Variants in ACTA1 observed in about 807,000 individuals in gnomAD.
ACTA1 encodes actin alpha 1, skeletal muscle.
A neutral mutation model predicts 35.8 loss-of-function variants in ACTA1; 25 were observed. The observed-to-expected ratio is 0.70, with a 90% CI of 0.51 to 0.97. The LOEUF (loss-of-function observed/expected upper bound fraction) is 0.97, where lower values mean the gene tolerates loss of function less well. Among genes scored for constraint, ACTA1 ranks in the 50% least tolerant of loss-of-function variants. The pLI is 0.00. For missense variants in ACTA1, 174 were observed against 533.0 expected, an observed-to-expected ratio of 0.33 and a Z score of 6.63; for synonymous variants, 219 against 217.1, an observed-to-expected ratio of 1.01 and a Z score of -0.08.
Position 229,431,975 on chromosome 1 carries a change from G to A in ACTA1, c.808+19C>T, listed in dbSNP as rs1659951307. The A allele has an allele frequency of 4.4e-6, 7 of 1,603,274 alleles. No homozygotes were observed. Among genetic ancestry groups the A allele is most frequent in the Middle Eastern group, 2.1e-4 (1 of 4,744 alleles). ...GCCGGCGGGGCCTGGGGGCCGGGGC[G>A]AGGGCGAGCGGGGCTCACCGATGAA... On this transcript the variant is annotated intron_variant, in intron 5 of 6. Coordinates refer to ENST00000366684, the MANE Select transcript of ACTA1 (RefSeq NM_001100.4). This position sits in a 1 kb window ranked among gnomAD's most constrained non-coding sequence, Gnocchi z 7.1.
chr1:229,432,696 G>A lies in ACTA1; in HGVS notation c.314C>T (p.Thr105Ile), dbSNP rs756909121. The A allele has an allele frequency of 6.2e-7, 1 of 1,614,208 alleles. No homozygotes were observed. Among genetic ancestry groups the A allele is most frequent in the East Asian group, 2.2e-5 (1 of 44,882 alleles). ...ATTGAGGGGGGCCTCGGTGAGCAGGGTGGGGTGCTCCTCGGGAGCCACGCG... is the reference window on the plus strand; with the variant it reads ...ATTGAGGGGGGCCTCGGTGAGCAGGATGGGGTGCTCCTCGGGAGCCACGCG... Reference protein sequence around the residue: ...ELRVAPEEHPTLLTEAPLNPK... With the variant: ...ELRVAPEEHPILLTEAPLNPK... Residue 105 changes from threonine to isoleucine, a missense_variant, in exon 3 of 7, where the codon ACC (threonine) becomes ATC (isoleucine). Thr to Ile is a moderately conservative substitution (Grantham distance 89, BLOSUM62 -1). Coordinates refer to ENST00000366684, the MANE Select transcript of ACTA1 (RefSeq NM_001100.4).
In ACTA1 at chr1:229,431,600, C is replaced by T; in HGVS notation, c.1033G>A (p.Gly345Ser). ...GTGGACAGCGAGGCCAGGATGGAGC[C>T]GCCGATCCACACCGAGTATTTGCGC... is the stretch of plus-strand genomic sequence containing the variant. ...PERKYSVWIG[G>S]SILASLSTFQ... Residue 345 changes from glycine (G) to serine (S), a missense_variant, in exon 7 of 7, where the codon GGC (glycine) becomes AGC (serine). Physicochemically the swap from Gly to Ser is moderately conservative, Grantham distance 56. Transcript: ENST00000366684. This position sits in a 1 kb window ranked among gnomAD's most constrained non-coding sequence, Gnocchi z 7.1. 2 of 1,613,984 alleles carry T rather than the reference C, an allele frequency of 1.2e-6. No individual in the cohort carries two copies. The highest frequency in any genetic ancestry group is 1.7e-6 in the Non-Finnish European group (2 of 1,180,016).
At position 229,431,794 on chromosome 1, in the gene ACTA1, G is replaced by C. The variant is rs569073359; in HGVS notation, c.917C>G (p.Thr306Arg). The change falls in exon 6 of 7, where the codon ACG (threonine) becomes AGG (arginine). Residue 306 changes from threonine (T) to arginine (R), a missense_variant. Physicochemically the swap from Thr to Arg is moderately conservative, Grantham distance 71 (BLOSUM62 -1). Coordinates refer to ENST00000366684, the MANE Select transcript of ACTA1 (RefSeq NM_001100.4). This position sits in a 1 kb window ranked among gnomAD's most constrained non-coding sequence, Gnocchi z 7.1. The part of the protein sequence containing the change: ...YANNVMSGGT[T>R]MYPGIADRMQ... ...GCGGTCAGCGATCCCAGGGTACATCGTGGTGCCCCCCGACATGACGTTGTT... is the reference window on the plus strand; with the variant it reads ...GCGGTCAGCGATCCCAGGGTACATCCTGGTGCCCCCCGACATGACGTTGTT... 1 of 1,614,176 alleles carries C rather than the reference G, an allele frequency of 6.2e-7. No individual in the cohort carries two copies. The highest frequency in any genetic ancestry group is 1.1e-5 in the South Asian group (1 of 91,078).
chr1:229,432,079 G>T lies in ACTA1; in HGVS notation c.723C>A (p.Ser241Arg). 1.2e-6 allele frequency: 2 copies of T among 1,612,906 alleles called. No homozygotes were observed. The highest frequency in any genetic ancestry group is 1.7e-6 in the Non-Finnish European group (2 of 1,179,850). ...TAASSSSLEK[S>R]YELPDGQVIT... is the part of the protein sequence containing the mutation. ...TGACCTGCCCGTCTGGCAGCTCGTA[G>T]CTCTTTTCCAGGGAGGAGGAGGAGG... The change falls in exon 5 of 7, where the codon AGC becomes AGA. Residue 241 changes from serine (S) to arginine (R), a missense_variant. Coordinates refer to ENST00000366684, the MANE Select transcript of ACTA1 (RefSeq NM_001100.4).
Position 229,432,450 on chromosome 1 carries a change from G to C in ACTA1, c.455-19C>G. ...ACGATGCCTGTGCGCGCGCGGGAGAGAGTGAGTGGCTGGGGGCGAGGCCGA... is the reference window on the plus strand; with the variant it reads ...ACGATGCCTGTGCGCGCGCGGGAGACAGTGAGTGGCTGGGGGCGAGGCCGA... On this transcript the variant is annotated intron_variant, in intron 3 of 6. Coordinates refer to ENST00000366684, the MANE Select transcript of ACTA1 (RefSeq NM_001100.4). 2 of 1,598,050 alleles carry C rather than the reference G, an allele frequency of 1.3e-6. No homozygotes were observed. The highest frequency in any genetic ancestry group is 2.7e-5 in the African/African-American group (2 of 74,484).
intron 3 of ACTA1, 54 bp downstream of exon 3, chr1:229,432,502 G>A: frequency 6.8e-7 from 1 of 1,470,162 alleles, no homozygotes; most frequent in Non-Finnish European, 9.1e-7. Flanking sequence ...CTAGCGGCGG[G>A]GGCGGGGGCG....
chr1:229,432,519 G>A (rs1162074229), intron 3 of ACTA1, 37 bp downstream of exon 3: 10 of 1,445,994 alleles, frequency 6.9e-6, no homozygotes, highest in African/African-American at 1.4e-5. Flanking sequence ...GGCGGGGGCG[G>A]GGGCGGGAGA....
rs1571893071 is a variant in ACTA1 at position 229,432,109 on chromosome 1, C to G, written c.693G>C (p.Thr231=). 1 of 1,613,248 alleles carries G rather than the reference C, an allele frequency of 6.2e-7. No homozygotes were observed. The highest frequency in any genetic ancestry group is 1.3e-5 in the African/African-American group (1 of 75,018). Residue 231 remains threonine (T), a synonymous_variant, in exon 5 of 7, where the codon ACG becomes ACC. Coordinates refer to ENST00000366684, the MANE Select transcript of ACTA1 (RefSeq NM_001100.4). ...TTTCCAGGGAGGAGGAGGAGGCGGC[C>G]GTCGCCATCTCGTTCTCGAAGTCCA... ...VALDFENEMA[T]AASSSSLEKS...
At chr1:229,433,252 C>G (rs1262082078) in intron 1 of ACTA1, 125 bp from the exon 2 acceptor site, 1 of 1,374,144 alleles carries the variant, frequency 7.3e-7, no homozygotes, top group Non-Finnish European at 1.0e-6. Flanking sequence ...CATCTCCTGC[C>G]GGAGCCACTC....
intron 3 of ACTA1, 42 bp from the exon 4 acceptor site, chr1:229,432,473 C>G (rs560102755): frequency 6.7e-7 from 1 of 1,486,554 alleles, no homozygotes; most frequent in South Asian, 1.2e-5. Flanking sequence ...GGGGCGAGGC[C>G]GAGGCTAGGC....
rs762659680 is a variant in ACTA1, at chr1:229,433,092, G to T, written c.24C>A (p.Thr8=). The T allele has an allele frequency of 2.5e-5, 40 of 1,614,058 alleles. No homozygotes were observed. The highest frequency in any genetic ancestry group is 1.6e-4 in the East Asian group (7 of 44,892). MCDEDET[T]ALVCDNGSGL... ...CGGAGCCATTGTCGCACACGAGGGC[G>T]GTGGTCTCGTCTTCGTCGCACATTG... Residue 8 remains threonine (T), a synonymous_variant, in exon 2 of 7, where the codon ACC becomes ACA. Transcript: ENST00000366684.
chr1:229,431,357 G>A lies in ACTA1; in HGVS notation c.*142C>T. Reference sequence around the variant, plus strand: ...AGGTAATAAGTTAATGTATGTACACGTTATAAACACTGTGTCAGTTTACGA... The same window carrying A: ...AGGTAATAAGTTAATGTATGTACACATTATAAACACTGTGTCAGTTTACGA... On this transcript the variant is annotated 3_prime_UTR_variant, in exon 7 of 7. Transcript: ENST00000366684. This position sits in a 1 kb window ranked among gnomAD's most constrained non-coding sequence, Gnocchi z 7.1. The A allele has an allele frequency of 8.8e-7, 1 of 1,131,428 alleles. No individual in the cohort carries two copies. The highest frequency in any genetic ancestry group is 1.3e-6 in the Non-Finnish European group (1 of 751,872). The allele number at this position is 1,131,428 out of a possible 1,614,324, so 70.1% of individuals were successfully genotyped here.
Position 229,433,097 on chromosome 1 carries a change from T to C in ACTA1, c.19A>G (p.Thr7Ala), listed in dbSNP as rs566482294. The change falls in exon 2 of 7, where the codon ACC becomes GCC. Residue 7 changes from threonine to alanine, a missense_variant. Coordinates refer to ENST00000366684, the MANE Select transcript of ACTA1 (RefSeq NM_001100.4). Reference sequence around the variant, plus strand: ...CCATTGTCGCACACGAGGGCGGTGGTCTCGTCTTCGTCGCACATTGTGTCT... The same window carrying C: ...CCATTGTCGCACACGAGGGCGGTGGCCTCGTCTTCGTCGCACATTGTGTCT... Reference protein sequence around the residue: MCDEDETTALVCDNGSG... With the variant: MCDEDEATALVCDNGSG... 1 of 1,614,112 alleles carries C rather than the reference T, an allele frequency of 6.2e-7. No homozygotes were observed. Among genetic ancestry groups the C allele is most frequent in the East Asian group, 2.2e-5 (1 of 44,876 alleles).
chr1:229,432,932 G>T lies in ACTA1; in HGVS notation c.130-52C>A, dbSNP rs770041721. 2.5e-6 allele frequency: 4 copies of T among 1,614,030 alleles called. No homozygotes were observed. The Admixed American group carries it at 5.0e-5, about 20-fold the overall frequency. ...GTTAACGCCGCTCCGGGTGGCACCA[G>T]GCTGGCTTACGCGGGGACCCCGAGC... On this transcript the variant is annotated intron_variant, in intron 2 of 6. Transcript: ENST00000366684.
At chr1:229,432,472 C>A in intron 3 of ACTA1, 41 bp from the exon 4 acceptor site, 1 of 1,554,626 alleles carries the variant, frequency 6.4e-7, no homozygotes, top group South Asian at 1.2e-5. Context: ...GGGGGCGAGG[C>A]CGAGGCTAGG....
intron 1 of ACTA1, among the ~76,000 whole-genome samples, chr1:229,433,340 G>A (rs936973352): frequency 6.6e-6 from 1 of 152,196 alleles, no homozygotes; most frequent in Non-Finnish European, 1.5e-5. Context: ...ACCAGGAAAA[G>A]GGGCACAGGG....
chr1:229,433,117 G>GT lies in ACTA1; in HGVS notation c.-3dup. 1 of 1,614,140 alleles carries GT rather than the reference G, an allele frequency of 6.2e-7. No homozygotes were observed. The highest frequency in any genetic ancestry group is 8.5e-7 in the Non-Finnish European group (1 of 1,180,012). The stretch of plus-strand genomic sequence containing the variant: ...GGTGGTCTCGTCTTCGTCGCACATT[G>GT]TGTCTAGTTTCTGCAAGGACAGGGA... On this transcript the variant is annotated 5_prime_UTR_variant, in exon 2 of 7. Transcript: ENST00000366684.
rs148828901 is a variant in ACTA1 at position 229,431,440 on chromosome 1, G to GC, written c.*58dup. 1.2e-3 allele frequency: 1,857 copies of GC among 1,608,512 alleles called. 18 individuals carry two copies. In the African/African-American group the frequency reaches 0.022, roughly 19 times the overall value. On this transcript the variant is annotated 3_prime_UTR_variant, in exon 7 of 7. Coordinates refer to ENST00000366684, the MANE Select transcript of ACTA1 (RefSeq NM_001100.4). This position sits in a 1 kb window ranked among gnomAD's most constrained non-coding sequence, Gnocchi z 7.1. ...ACTGCGGGGTGGCTGGAGCTCAGCC[G>GC]CCCCCCCATTGAGAAGATTCGTCGT...
Position 229,431,798 on chromosome 1 carries a change from T to C in ACTA1, c.913A>G (p.Thr305Ala). 1 of 1,614,194 alleles carries C rather than the reference T, an allele frequency of 6.2e-7. No homozygotes were observed. ...TCAGCGATCCCAGGGTACATCGTGG[T>C]GCCCCCCGACATGACGTTGTTGGCA... ...LYANNVMSGG[T>A]TMYPGIADRM... The change falls in exon 6 of 7, where the codon ACC becomes GCC. Residue 305 changes from threonine to alanine, a missense_variant. Coordinates refer to ENST00000366684, the MANE Select transcript of ACTA1 (RefSeq NM_001100.4). This position sits in a 1 kb window ranked among gnomAD's most constrained non-coding sequence, Gnocchi z 7.1.
Sources: gnomAD v4.1 joint callset for allele counts (sites outside exome capture counted in the v4.1 genomes callset) on GRCh38, gnomAD v4.1.1 for gene constraint, Gnocchi (gnomAD v3.1) non-coding constraint, MANE v1.5 for transcripts, NCBI Gene and HGNC (gene_info 2026-07-23, HGNC 2026-07-21) for gene names.